ANK2: variants seen among roughly 807,000 people sequenced by gnomAD.
ANK2 encodes the protein ankyrin-2.
In ANK2, 83 loss-of-function variants were observed where a neutral mutation model predicts 360.5. That is an observed-to-expected ratio of 0.23 (90% CI 0.19 to 0.28). ANK2 has a LOEUF of 0.28. ANK2 is among the 10% of genes least tolerant of loss of function. The pLI is 1.00. For synonymous variants in ANK2, 1,740 were observed against 1,759.5 expected, an observed-to-expected ratio of 0.99 and a Z score of 0.28; for missense variants, 4,201 against 4,795.7, an observed-to-expected ratio of 0.88 and a Z score of 3.66.
chr4:113,018,508 A>G (rs1055817870), intron 2 of ANK2, among the ~76,000 whole-genome samples: 5 of 152,228 alleles, frequency 3.3e-5, no homozygotes, highest in Non-Finnish European at 7.3e-5. Context: ...TAGTTCAGAA[A>G]TCTAGAGTTT....
At chr4:113,247,045 A>AT (rs1428592205) in intron 9 of ANK2, among the ~76,000 whole-genome samples, 3 of 150,668 alleles carry the variant, frequency 2.0e-5, no homozygotes, top group Non-Finnish European at 3.0e-5. Context: ...GGGGGAAGAT[A>AT]TGAAAAGATA....
intron 1 of ANK2, among the ~76,000 whole-genome samples, chr4:113,093,046 C>T (rs1281118519): frequency 6.6e-6 from 1 of 152,092 alleles, no homozygotes; most frequent in Admixed American, 6.5e-5. Flanking sequence ...TGACATTTAA[C>T]TTTTTTGATT....
Position 113,367,618 on chromosome 4 carries a change from G to T in ANK2, c.11085G>T (p.Glu3695Asp). ...ELCTAQHKQK[E>D]EQAVSKESET... ...GCACTGCACAGCACAAGCAGAAAGA[G>T]GAGCAAGCTGTTTCTAAAGAAAGTG... Residue 3695 changes from glutamate (E) to aspartate (D), a missense_variant, in exon 42 of 46, where the codon GAG (glutamate) becomes GAT (aspartate). By Grantham distance (45) the Glu-to-Asp change is conservative (BLOSUM62 2). Around this residue, in one of 4 missense-constraint regions of ANK2, gnomAD observed 2,642 missense variants for 2,714.5 expected, o/e 0.97. Coordinates refer to ENST00000357077, the MANE Select transcript of ANK2 (RefSeq NM_001148.6). 4 of 1,613,770 alleles carry T rather than the reference G, an allele frequency of 2.5e-6. No homozygotes were observed. The highest frequency in any genetic ancestry group is 3.4e-6 in the Non-Finnish European group (4 of 1,179,954).
intron 2 of ANK2, among the ~76,000 whole-genome samples, chr4:112,937,328 C>CTTT (rs10712090): frequency 7.2e-6 from 1 of 138,420 alleles, no homozygotes; most frequent in African/African-American, 2.7e-5. Context: ...CAATTATTGT[C>CTTT]TTTTTTTTTT....
intron 1 of ANK2, among the ~76,000 whole-genome samples, chr4:113,140,442 A>C (rs1399300611): frequency 1.3e-5 from 2 of 152,222 alleles, no homozygotes; most frequent in Non-Finnish European, 2.9e-5. Flanking sequence ...TGATCTGAAA[A>C]ATATAAAGTA....
chr4:113,197,631 G>A (rs963433351), intron 3 of ANK2, among the ~76,000 whole-genome samples: 1 of 152,228 alleles, frequency 6.6e-6, no homozygotes, highest in African/African-American at 2.4e-5. Flanking sequence ...CAGTTAACGT[G>A]GATTTCCAAT....
At chr4:112,749,643 T>C in the ANK2 span, among the ~76,000 whole-genome samples, 2 of 152,162 alleles carry the variant, frequency 1.3e-5, no homozygotes, top group African/African-American at 4.8e-5. Flanking sequence ...ACCATGATGT[T>C]TGTGGAAAGT....
In ANK2 at chr4:113,358,614, T is replaced by C. The variant is rs145557320; in HGVS notation, c.9996T>C (p.Ser3332=). The part of the protein sequence containing the change: ...ESSVSEDFLS[S]VDEENKADEA... ...CAGTTTCTGAAGATTTTCTATCCAGTGTAGATGAGGAAAATAAGGCGGATG... is the reference window on the plus strand; with the variant it reads ...CAGTTTCTGAAGATTTTCTATCCAGCGTAGATGAGGAAAATAAGGCGGATG... The change falls in exon 38 of 46, where the codon AGT becomes AGC. Residue 3332 remains serine, a synonymous_variant. Coordinates refer to ENST00000357077, the MANE Select transcript of ANK2 (RefSeq NM_001148.6). The C allele has an allele frequency of 1.3e-3, 2,132 of 1,613,952 alleles. 26 individuals are homozygous for C. In the African/African-American group the frequency reaches 0.025, roughly 19 times the overall value.
At chr4:113,041,672 C>A (rs1453763905) in intron 2 of ANK2, among the ~76,000 whole-genome samples, 2 of 152,110 alleles carry the variant, frequency 1.3e-5, no homozygotes, top group African/African-American at 4.8e-5. Flanking sequence ...AGGTATGACA[C>A]ATGGATACTA....
At chr4:112,711,005 G>A in the ANK2 span, among the ~76,000 whole-genome samples, 1 of 149,836 alleles carries the variant, frequency 6.7e-6, no homozygotes, top group African/African-American at 2.4e-5. Flanking sequence ...GTCCAGGCTG[G>A]TCTCAAACTC....
chr4:113,273,545 T>A (rs2059235986), intron 14 of ANK2, among the ~76,000 whole-genome samples: 1 of 152,240 alleles, frequency 6.6e-6, no homozygotes, highest in South Asian at 2.1e-4. Context: ...TCTCCATTCA[T>A]TCTTAGCCCT....
At chr4:113,288,733 T>C (rs1304657481) in intron 20 of ANK2, among the ~76,000 whole-genome samples, 1 of 152,198 alleles carries the variant, frequency 6.6e-6, no homozygotes, top group African/African-American at 2.4e-5. Flanking sequence ...ATTTAACAAC[T>C]TACTGCAGGA....
chr4:113,344,935 T>C (rs532562101), intron 34 of ANK2, among the ~76,000 whole-genome samples: 1 of 152,242 alleles, frequency 6.6e-6, no homozygotes, highest in African/African-American at 2.4e-5. Flanking sequence ...GGAATTATTG[T>C]TTAATAGATA....
At chr4:113,285,403 G>A (rs1252520003) in intron 18 of ANK2, among the ~76,000 whole-genome samples, 2 of 152,144 alleles carry the variant, frequency 1.3e-5, no homozygotes, top group African/African-American at 4.8e-5. Context: ...CTGGGCCTCT[G>A]AACTTCTGAC....
intron 2 of ANK2, among the ~76,000 whole-genome samples, chr4:112,930,610 C>T (rs1012174792): frequency 6.6e-6 from 1 of 151,854 alleles, no homozygotes; most frequent in Admixed American, 6.6e-5. Flanking sequence ...GTGATGACGC[C>T]GGGTGCAGTG....
At chr4:112,890,267 T>C (rs1384590638) in intron 1 of ANK2, among the ~76,000 whole-genome samples, 2 of 152,196 alleles carry the variant, frequency 1.3e-5, no homozygotes, top group African/African-American at 4.8e-5. Flanking sequence ...TTTGCTGCTC[T>C]GAGATTTCCT....
chr4:112,844,843 G>A (rs902608125), intron 1 of ANK2, among the ~76,000 whole-genome samples: 8 of 152,172 alleles, frequency 5.3e-5, no homozygotes, highest in East Asian at 3.8e-4. Flanking sequence ...GATGTCAGTT[G>A]CTCACATGAA....
chr4:112,762,831 A>G, the ANK2 span, among the ~76,000 whole-genome samples: 6 of 152,184 alleles, frequency 3.9e-5, no homozygotes, highest in African/African-American at 9.6e-5. Flanking sequence ...TTGACACTAT[A>G]ACTTGCACTG....
At chr4:113,181,836 T>C (rs552752392) in intron 2 of ANK2, among the ~76,000 whole-genome samples, 32 of 151,308 alleles carry the variant, frequency 2.1e-4, no homozygotes, top group Middle Eastern at 3.4e-3. Flanking sequence ...TAGGAGGAGG[T>C]TGGGGAGAGC....
Sources: allele counts gnomAD v4.1 joint callset (sites outside exome capture counted in the v4.1 genomes callset), GRCh38; gene constraint gnomAD v4.1.1; regional missense constraint gnomAD v4.1.1; transcripts MANE v1.5; gene names NCBI Gene and HGNC (gene_info 2026-07-23, HGNC 2026-07-21).